ZNF787: variants seen among roughly 807,000 people sequenced by gnomAD.
The protein encoded by ZNF787 is zinc finger protein 787, also known as TTF-I-interacting peptide 20.
Under a neutral mutation model 16.9 loss-of-function variants are expected in ZNF787, and 7 were observed. The observed-to-expected ratio is 0.42, with a 90% CI of 0.24 to 0.78. ZNF787 has a LOEUF of 0.78. Ranked by LOEUF, ZNF787 falls within the 30% of genes least tolerant of loss-of-function variation. The pLI is 0.30. For synonymous variants in ZNF787, 345 were observed against 270.9 expected (o/e 1.27, Z -2.69); for missense variants, 551 against 589.3 (o/e 0.94, Z 0.67).
At position 56,087,900 on chromosome 19, in the gene ZNF787, A is replaced by C; in HGVS notation, c.*123T>G. 1 of 1,269,298 alleles carries C rather than the reference A, an allele frequency of 7.9e-7. No homozygotes were observed. Among genetic ancestry groups the C allele is most frequent in the Non-Finnish European group, 9.9e-7 (1 of 1,007,004 alleles). The allele number at this position is 1,269,298 out of a possible 1,614,324, so 78.6% of individuals were successfully genotyped here. A position where few individuals can be genotyped will look rare whatever the true frequency, so the allele number is the denominator to read the frequency against. On this transcript the variant is annotated 3_prime_UTR_variant, in exon 3 of 3. Transcript: ENST00000610935. ...GGCGCAGGGACAGAGGAGGGCGGGG[A>C]GCCGGGGATGCCGCGGGGTCCATCG...
At position 56,102,866 on chromosome 19, in the gene ZNF787, AG is replaced by A. The variant is rs754711304; in HGVS notation, c.79+272del. On this transcript the variant is annotated intron_variant, in intron 2 of 2. Transcript: ENST00000610935. ...CAGACGGGGGTGCTGCCCAGGCTGGAGGGGCAAGGACAGAGGAAGTCAGGCA... is the reference window on the plus strand; with the variant it reads ...CAGACGGGGGTGCTGCCCAGGCTGGAGGGCAAGGACAGAGGAAGTCAGGCA... The A allele has an allele frequency of 9.5e-5, 67 of 702,304 alleles. 1 individual carries two copies. In the East Asian group the frequency reaches 9.7e-4, roughly 10 times the overall value. 43.5% of individuals were successfully genotyped at this position (702,304 alleles called of 1,614,324 possible).
At chr19:56,107,916 A>AGAGAGCTTGAAGGCCGGGCATGCTG (rs2029879546) in intron 1 of ZNF787, among the ~76,000 whole-genome samples, 4 of 151,430 alleles carry the variant, frequency 2.6e-5, no homozygotes, top group African/African-American at 9.7e-5. Context: ...GGGCTGCGGG[A>AGAGAGCTTGAAGGCCGGGCATGCTG]GGGGCTGCAG....
chr19:56,104,527 G>A (rs1389628958), intron 1 of ZNF787, among the ~76,000 whole-genome samples: 1 of 147,898 alleles, frequency 6.8e-6, no homozygotes, highest in Non-Finnish European at 1.5e-5. Flanking sequence ...CTCTACACAC[G>A]CCACTGATCC....
At chr19:56,117,975 A>G (rs1032210391) in intron 1 of ZNF787, among the ~76,000 whole-genome samples, 1 of 152,256 alleles carries the variant, frequency 6.6e-6, no homozygotes, top group African/African-American at 2.4e-5. Flanking sequence ...CTGTGAGCCC[A>G]AAGGGAGAAG....
At chr19:56,097,314 G>GA (rs1381471868) in intron 2 of ZNF787, among the ~76,000 whole-genome samples, 2 of 152,198 alleles carry the variant, frequency 1.3e-5, no homozygotes, top group Non-Finnish European at 2.9e-5. Context: ...CTCAAATACA[G>GA]AAAAAAATCA....
intron 2 of ZNF787, chr19:56,102,150 G>A (rs1162718940): frequency 1.3e-5 from 2 of 152,238 alleles, no homozygotes; most frequent in African/African-American, 2.4e-5. Flanking sequence ...TCTTTGTATG[G>A]GACGACTCAG....
At chr19:56,119,288 A>C (rs1012806812) in intron 1 of ZNF787, among the ~76,000 whole-genome samples, 3 of 152,208 alleles carry the variant, frequency 2.0e-5, no homozygotes, top group Non-Finnish European at 4.4e-5. Context: ...GCCTGGATGG[A>C]TTACATTTAC....
At chr19:56,089,172 G>T in intron 2 of ZNF787, 80 bp from the exon 3 acceptor site, 2 of 1,129,622 alleles carry the variant, frequency 1.8e-6, no homozygotes, top group Non-Finnish European at 2.4e-6. Context: ...CGCTGGCCTC[G>T]GGTGCCTCGC....
intron 2 of ZNF787, among the ~76,000 whole-genome samples, chr19:56,090,054 T>G (rs1034649161): frequency 1.6e-4 from 24 of 151,322 alleles, no homozygotes; most frequent in African/African-American, 5.8e-4. Flanking sequence ...CCCCACAGGG[T>G]TTTTTCAAAG....
intron 2 of ZNF787, among the ~76,000 whole-genome samples, chr19:56,096,428 AAAAG>A (rs1985877027): frequency 6.6e-6 from 1 of 151,666 alleles, no homozygotes; most frequent in Non-Finnish European, 1.5e-5. Flanking sequence ...CCAAAAAATA[AAAAG>A]AGATAGGCTG....
intron 2 of ZNF787, among the ~76,000 whole-genome samples, chr19:56,093,064 C>T (rs1029722188): frequency 1.3e-5 from 2 of 150,512 alleles, no homozygotes; most frequent in Non-Finnish European, 3.0e-5. Flanking sequence ...TGGGCTACCC[C>T]ATAGACACGG....
chr19:56,096,445 C>A (rs563059488), intron 2 of ZNF787, among the ~76,000 whole-genome samples: 151 of 150,968 alleles, frequency 1.0e-3, no homozygotes, highest in Non-Finnish European at 1.5e-3. Context: ...ATAGGCTGGG[C>A]CGCTCATGCC....
intron 2 of ZNF787, among the ~76,000 whole-genome samples, chr19:56,100,131 G>A (rs564625491): frequency 4.7e-4 from 71 of 152,312 alleles, no homozygotes; most frequent in African/African-American, 1.7e-3. Context: ...GAAGGGTCCG[G>A]GGTGAGGGCC....
intron 2 of ZNF787, among the ~76,000 whole-genome samples, chr19:56,090,387 A>C (rs1985527987): frequency 6.6e-6 from 1 of 152,162 alleles, no homozygotes; most frequent in Non-Finnish European, 1.5e-5. Flanking sequence ...TGGGTCCAAG[A>C]AACAGCCATC....
chr19:56,092,055 T>G (rs561706396), intron 2 of ZNF787, among the ~76,000 whole-genome samples: 84 of 141,808 alleles, frequency 5.9e-4, no homozygotes, highest in African/African-American at 2.5e-3. Flanking sequence ...AGCCTCACCC[T>G]CACCCTCACC....
chr19:56,104,534 AT>A (rs201485100), intron 1 of ZNF787, among the ~76,000 whole-genome samples: 1,854 of 149,738 alleles, frequency 0.012, 58 homozygotes, highest in African/African-American at 0.044. Flanking sequence ...CACGCCACTG[AT>A]CCGTGCCACG....
rs1457724857 is a variant in ZNF787, at chr19:56,087,781, G to C, written c.*242C>G. On this transcript the variant is annotated 3_prime_UTR_variant, in exon 3 of 3. Transcript: ENST00000610935. ...CCATTGTCTCTCCGGCTCGCAGGCC[G>C]ATAACTTAGGAAGGGCGGGCCAGGC... The C allele has an allele frequency of 6.1e-5, 33 of 542,138 alleles. No homozygotes were observed. The highest frequency in any genetic ancestry group is 4.8e-5 in the Non-Finnish European group (18 of 374,596). The allele number at this position is 542,138 out of a possible 1,614,324, so 33.6% of individuals were successfully genotyped here.
chr19:56,112,114 C>T (rs1599957448), intron 1 of ZNF787, among the ~76,000 whole-genome samples: 1 of 152,076 alleles, frequency 6.6e-6, no homozygotes, highest in African/African-American at 2.4e-5. Context: ...CAGAGGTGAA[C>T]GATGGGAGAG....
In ZNF787 at chr19:56,094,990, C is replaced by T. The variant is rs531010135; in HGVS notation, c.80-5898G>A. ...TTAGCTGAGTGTGGTGGTGTGTGCCCGTAATCCCAACTACTCGGGAGGTTG... is the reference window on the plus strand; with the variant it reads ...TTAGCTGAGTGTGGTGGTGTGTGCCTGTAATCCCAACTACTCGGGAGGTTG... On this transcript the variant is annotated intron_variant, in intron 2 of 2. Coordinates refer to ENST00000610935, the MANE Select transcript of ZNF787 (RefSeq NM_001002836.4). Among the ~76,000 whole-genome samples, 38 of 152,150 alleles carry T rather than the reference C, an allele frequency of 2.5e-4. No individual in the cohort carries two copies. The South Asian group carries it at 7.1e-3, about 28-fold the overall frequency.
Sources: gnomAD v4.1 joint callset for allele counts (sites outside exome capture counted in the v4.1 genomes callset) on GRCh38, gnomAD v4.1.1 for gene constraint, MANE v1.5 for transcripts, NCBI Gene and HGNC (gene_info 2026-07-23, HGNC 2026-07-21) for gene names.